HOMER2: variants seen among roughly 807,000 people sequenced by gnomAD.
The protein encoded by HOMER2 is homer protein homolog 2.
HOMER2 carries 27 observed loss-of-function variants against 47.0 expected under a neutral mutation model. That is an observed-to-expected ratio of 0.57 (90% CI 0.42 to 0.79). The LOEUF (loss-of-function observed/expected upper bound fraction) is 0.79, where lower values mean the gene tolerates loss of function less well. Among genes scored for constraint, HOMER2 ranks in the 30% least tolerant of loss-of-function variants. The pLI, the probability that HOMER2 is intolerant of heterozygous loss-of-function variation, is 0.00. For missense variants in HOMER2, 443 were observed against 435.0 expected, an observed-to-expected ratio of 1.02 and a Z score of -0.16; for synonymous variants, 161 against 163.8, an observed-to-expected ratio of 0.98 and a Z score of 0.13.
At chr15:82,843,218 G>C (rs1458560847) in exon 2 of HOMER2, 1 of 152,108 alleles carries the variant, frequency 6.6e-6, no homozygotes, top group Non-Finnish European at 1.5e-5. Context: ...AAGGCGTGTG[G>C]ATTGCCTGAG....
intron 1 of HOMER2, among the ~76,000 whole-genome samples, chr15:82,944,259 C>T (rs1181292647): frequency 6.6e-6 from 1 of 152,118 alleles, no homozygotes; most frequent in Non-Finnish European, 1.5e-5. Flanking sequence ...ACAAAACGCA[C>T]CCCGCTAGGA....
intron 1 of HOMER2, chr15:82,985,481 G>C (rs1232504501): frequency 6.6e-6 from 1 of 152,226 alleles, no homozygotes; most frequent in Non-Finnish European, 1.5e-5. Flanking sequence ...AATTACTGTA[G>C]GGGTACAATC....
chr15:82,848,219 C>T (rs1797577170), downstream of HOMER2, among the ~76,000 whole-genome samples: 1 of 152,146 alleles, frequency 6.6e-6, no homozygotes, highest in Admixed American at 6.5e-5. Flanking sequence ...GTTCGGACCC[C>T]ATCTCCCTCC....
exon 2 of HOMER2, chr15:82,837,321 G>C (rs1596293274): frequency 6.6e-6 from 1 of 152,386 alleles, no homozygotes; most frequent in East Asian, 1.9e-4. Flanking sequence ...ACAGGTTCCA[G>C]GGATTAGGAT....
intron 1 of HOMER2, among the ~76,000 whole-genome samples, chr15:82,963,546 C>G (rs1272277148): frequency 6.6e-6 from 1 of 152,368 alleles, no homozygotes; most frequent in South Asian, 2.1e-4. Context: ...TTTCCCCAAA[C>G]TTGCCTCATC....
intron 1 of HOMER2, among the ~76,000 whole-genome samples, chr15:82,930,511 T>C (rs138038558): frequency 6.6e-6 from 1 of 152,302 alleles, no homozygotes; most frequent in Non-Finnish European, 1.5e-5. Context: ...TGCCTGAAGA[T>C]AAAGTAGCCT....
intron 1 of HOMER2, among the ~76,000 whole-genome samples, chr15:82,893,628 T>C (rs1484885031): frequency 3.3e-5 from 5 of 149,800 alleles, no homozygotes; most frequent in Non-Finnish European, 5.9e-5. Flanking sequence ...ACTGCGCCTT[T>C]TTTTTTTTTT....
chr15:82,861,353 C>A (rs2051782975), intron 4 of HOMER2, among the ~76,000 whole-genome samples: 1 of 152,134 alleles, frequency 6.6e-6, no homozygotes, highest in Non-Finnish European at 1.5e-5. Context: ...GATACCAACA[C>A]TAGAATGCTG....
At chr15:82,952,766 G>T, upstream of HOMER2, 1 of 806,100 alleles carries the variant, frequency 1.2e-6, no homozygotes, top group Non-Finnish European at 1.4e-6. Context: ...TGCCCGCCCC[G>T]CCCTCCCCAG....
chr15:82,911,857 C>A (rs1203200748), intron 1 of HOMER2, among the ~76,000 whole-genome samples: 2 of 151,962 alleles, frequency 1.3e-5, no homozygotes, highest in Non-Finnish European at 2.9e-5. Flanking sequence ...TGGTAAAACC[C>A]CCATCTCTAC....
At chr15:82,892,921 C>G (rs1483531687) in intron 1 of HOMER2, 80 bp from the exon 2 acceptor site, 29 of 1,153,298 alleles carry the variant, frequency 2.5e-5, no homozygotes, top group Non-Finnish European at 3.3e-5. Context: ...ACCTACTGCC[C>G]CAAAAGATTT....
At chr15:82,851,281 A>G (rs1433563559) in intron 7 of HOMER2, 50 bp from the exon 8 acceptor site, 2 of 1,303,170 alleles carry the variant, frequency 1.5e-6, no homozygotes, top group Admixed American at 2.0e-5. Context: ...CAGATAAAAT[A>G]TATTCTTGAA....
chr15:82,974,467 G>A (rs2030130224), intron 1 of HOMER2, among the ~76,000 whole-genome samples: 1 of 152,034 alleles, frequency 6.6e-6, no homozygotes, highest in Non-Finnish European at 1.5e-5. Flanking sequence ...CCTATGGGAG[G>A]GGCAGACTTC....
chr15:82,858,168 G>A (rs1250704863), intron 5 of HOMER2, among the ~76,000 whole-genome samples: 1 of 152,048 alleles, frequency 6.6e-6, no homozygotes, highest in East Asian at 1.9e-4. Flanking sequence ...TACTGTAAAG[G>A]ATCTCTTCTT....
chr15:82,891,296 C>T (rs3784366), intron 2 of HOMER2, among the ~76,000 whole-genome samples: 1 of 152,036 alleles, frequency 6.6e-6, no homozygotes, highest in Non-Finnish European at 1.5e-5. Context: ...CATTGCCTCT[C>T]CTTAGACCTC....
rs1386940031 is a variant in HOMER2 at position 82,913,618 on chromosome 15, A to G, written c.6-20777T>C. Among the ~76,000 whole-genome samples, 1 of 152,222 alleles carries G rather than the reference A, an allele frequency of 6.6e-6. No homozygotes were observed. The highest frequency in any genetic ancestry group is 2.4e-5 in the African/African-American group (1 of 41,458). On this transcript the variant is annotated intron_variant, in intron 1 of 8. Transcript: ENST00000450735. This position sits in a 1 kb window ranked among gnomAD's most constrained non-coding sequence, Gnocchi z 4.1. The stretch of plus-strand genomic sequence containing the variant: ...AGCAACACAAACCCCTGCTTAGAAG[A>G]GTAAACTATTGACGGTAGACAGCAG...
Position 82,868,543 on chromosome 15 carries a change from T to TATATATATATATATA in HOMER2, c.295-4285_295-4284insTATATATATATATAT, listed in dbSNP as rs1567023464. Among the ~76,000 whole-genome samples, 215 of 36,740 alleles carry TATATATATATATATA rather than the reference T, an allele frequency of 5.9e-3. 1 individual carries two copies. Among genetic ancestry groups the TATATATATATATATA allele is most frequent in the Middle Eastern group, 0.015 (1 of 66 alleles). 24.1% of individuals were successfully genotyped at this position (36,740 alleles called of 152,430 possible). A position where few individuals can be genotyped will look rare whatever the true frequency, so the allele number is the denominator to read the frequency against. The stretch of plus-strand genomic sequence containing the variant: ...TTATTTTATATATATATATATATAT[T>TATATATATATATATA]TTTTTTTTTTTTTTTCCCCTTTTGA... On this transcript the variant is annotated intron_variant, in intron 3 of 8. Transcript: ENST00000450735.
intron 1 of HOMER2, among the ~76,000 whole-genome samples, chr15:82,974,985 AC>A (rs1305037942): frequency 7.2e-5 from 11 of 152,094 alleles, no homozygotes; most frequent in African/African-American, 2.4e-4. Context: ...CAGGAGAATC[AC>A]GTGAACCCAG....
chr15:82,851,839 T>C (rs2051406840), intron 7 of HOMER2, among the ~76,000 whole-genome samples: 1 of 152,208 alleles, frequency 6.6e-6, no homozygotes, highest in Non-Finnish European at 1.5e-5. Context: ...CGGCATTAAT[T>C]TGGCAGCAAA....
Sources: allele counts gnomAD v4.1 joint callset (sites outside exome capture counted in the v4.1 genomes callset), GRCh38; gene constraint gnomAD v4.1.1; non-coding constraint Gnocchi (gnomAD v3.1); transcripts MANE v1.5; gene names NCBI Gene and HGNC (gene_info 2026-07-23, HGNC 2026-07-21).